Variants in CSMD1 observed in about 807,000 individuals in gnomAD.
The protein encoded by CSMD1 is CUB and Sushi multiple domains 1.
In CSMD1, 213 loss-of-function variants were observed where a neutral mutation model predicts 417.5. The observed-to-expected ratio is 0.51, with a 90% confidence interval of 0.46 to 0.57. The LOEUF (loss-of-function observed/expected upper bound fraction) is 0.57, where lower values mean the gene tolerates loss of function less well. Ranked by LOEUF, CSMD1 falls within the 20% of genes least tolerant of loss-of-function variation. The pLI, the probability that CSMD1 is intolerant of heterozygous loss-of-function variation, is 0.00. For missense variants in CSMD1, 6,923 were observed against 4,529.7 expected, an observed-to-expected ratio of 1.53 and a Z score of -15.17; for synonymous variants, 2,862 against 1,736.8, an observed-to-expected ratio of 1.65 and a Z score of -16.11.
intron 2 of CSMD1, among the ~76,000 whole-genome samples, chr8:4,481,934 C>A (rs1801120927): frequency 6.6e-6 from 1 of 152,088 alleles, no homozygotes. Flanking sequence ...CAACAGAATG[C>A]AGAAGCCTGG....
chr8:4,014,567 G>C (rs1354005157), intron 4 of CSMD1, among the ~76,000 whole-genome samples: 2 of 152,084 alleles, frequency 1.3e-5, no homozygotes, highest in South Asian at 4.1e-4. Context: ...TAAGCACCTG[G>C]ATCATCTCAT....
At chr8:4,492,589 G>A (rs927542649) in intron 2 of CSMD1, among the ~76,000 whole-genome samples, 1 of 152,084 alleles carries the variant, frequency 6.6e-6, no homozygotes, top group African/African-American at 2.4e-5. Flanking sequence ...TTCAGTAAAG[G>A]GATTAAATAT....
chr8:4,007,099 A>G (rs1026870218), intron 4 of CSMD1, among the ~76,000 whole-genome samples: 1 of 151,852 alleles, frequency 6.6e-6, no homozygotes, highest in Non-Finnish European at 1.5e-5. Context: ...CGGCCTCCCA[A>G]AGTTTTGGTA....
chr8:3,016,904 A>C (rs1234151301), intron 52 of CSMD1, among the ~76,000 whole-genome samples: 1 of 152,156 alleles, frequency 6.6e-6, no homozygotes, highest in Non-Finnish European at 1.5e-5. Context: ...TTCTACTCCA[A>C]AACCCTAACT....
intron 25 of CSMD1, among the ~76,000 whole-genome samples, chr8:3,301,315 C>A (rs115118860): frequency 6.6e-6 from 1 of 151,864 alleles, no homozygotes; most frequent in African/African-American, 2.4e-5. Context: ...AGGTGGTGGG[C>A]AGGGAGGAGA....
chr8:4,887,767 CA>C (rs1432291357), intron 1 of CSMD1, among the ~76,000 whole-genome samples: 1 of 151,580 alleles, frequency 6.6e-6, no homozygotes, highest in Non-Finnish European at 1.5e-5. Context: ...ACAATTTTAT[CA>C]TTTTTTTTAA....
intron 1 of CSMD1, among the ~76,000 whole-genome samples, chr8:4,712,479 A>C (rs1268374804): frequency 3.3e-5 from 5 of 152,224 alleles, no homozygotes. Context: ...ATGTCAAAGC[A>C]GAAATGGCTA....
chr8:3,227,271 G>A (rs553883877), intron 27 of CSMD1, among the ~76,000 whole-genome samples: 5 of 151,844 alleles, frequency 3.3e-5, no homozygotes, highest in Admixed American at 1.3e-4. Context: ...CTTGGTGGTG[G>A]GCGCCTGTAA....
Position 3,260,553 on chromosome 8 carries a change from A to G in CSMD1, c.4153+23591T>C, listed in dbSNP as rs550203521. 1.8e-4 allele frequency among the ~76,000 whole-genome samples: 28 copies of G among 151,540 alleles called. 1 individual carries two copies. The South Asian group carries it at 5.5e-3, about 30-fold the overall frequency. On this transcript the variant is annotated intron_variant, in intron 26 of 69. Coordinates refer to ENST00000635120, the MANE Select transcript of CSMD1 (RefSeq NM_033225.6). Reference sequence around the variant, plus strand: ...TTTCTGAAAATGTCAGAGTGCTTCAATAACTACAGAGAGGGTCCACCGAGA... The same window carrying G: ...TTTCTGAAAATGTCAGAGTGCTTCAGTAACTACAGAGAGGGTCCACCGAGA...
At chr8:4,556,869 A>G (rs1018091925) in intron 2 of CSMD1, among the ~76,000 whole-genome samples, 3 of 152,204 alleles carry the variant, frequency 2.0e-5, no homozygotes, top group African/African-American at 7.2e-5. Flanking sequence ...CGTATAATGC[A>G]ATGATTCCAA....
intron 5 of CSMD1, among the ~76,000 whole-genome samples, chr8:3,763,472 C>G (rs1442492505): frequency 3.3e-5 from 5 of 152,224 alleles, no homozygotes; most frequent in East Asian, 3.9e-4. Flanking sequence ...CTCTCCTTTG[C>G]TCCCCTTCTC....
chr8:4,023,473 T>C lies in CSMD1; in HGVS notation c.610+8432A>G, dbSNP rs535758142. Among the ~76,000 whole-genome samples, 11 of 152,262 alleles carry C rather than the reference T, an allele frequency of 7.2e-5. No individual in the cohort carries two copies. In the South Asian group the frequency reaches 1.0e-3, roughly 14 times the overall value. ...ACTCTGGGTTGAGTAGCATTAGGGA[T>C]TGCAATGTTGGAATCACAGAAGAGG... On this transcript the variant is annotated intron_variant, in intron 4 of 69. Transcript: ENST00000635120.
At chr8:4,764,303 A>T (rs1294920385) in intron 1 of CSMD1, among the ~76,000 whole-genome samples, 3 of 152,192 alleles carry the variant, frequency 2.0e-5, no homozygotes, top group Non-Finnish European at 4.4e-5. Context: ...TCTTTTTGAA[A>T]ACATATAGTA....
chr8:4,752,909 G>A (rs989044642), intron 1 of CSMD1, among the ~76,000 whole-genome samples: 1 of 152,120 alleles, frequency 6.6e-6, no homozygotes, highest in South Asian at 2.1e-4. Context: ...ACTTTCCAGC[G>A]CTATTACAGG....
At chr8:3,538,297 C>A (rs1165260978) in intron 10 of CSMD1, among the ~76,000 whole-genome samples, 1 of 152,214 alleles carries the variant, frequency 6.6e-6, no homozygotes, top group Non-Finnish European at 1.5e-5. Flanking sequence ...ATATGCTTCA[C>A]CTGAGATGGT....
At chr8:4,151,214 A>G (rs1256140674) in intron 3 of CSMD1, among the ~76,000 whole-genome samples, 1 of 152,174 alleles carries the variant, frequency 6.6e-6, no homozygotes, top group Non-Finnish European at 1.5e-5. Context: ...TCTTCTTGTA[A>G]TATCAAGTAT....
intron 42 of CSMD1, among the ~76,000 whole-genome samples, chr8:3,117,444 G>C (rs1052649753): frequency 1.1e-4 from 16 of 152,166 alleles, no homozygotes; most frequent in African/African-American, 3.9e-4. Flanking sequence ...AGAAATTAAA[G>C]CACAGCCAGA....
intron 1 of CSMD1, among the ~76,000 whole-genome samples, chr8:4,798,499 G>T (rs1044410964): frequency 6.6e-6 from 1 of 152,128 alleles, no homozygotes; most frequent in African/African-American, 2.4e-5. Context: ...ATTGAAAATT[G>T]CTTACTCTGA....
intron 46 of CSMD1, among the ~76,000 whole-genome samples, chr8:3,099,670 C>A (rs1204593464): frequency 6.6e-6 from 1 of 152,196 alleles, no homozygotes; most frequent in African/African-American, 2.4e-5. Context: ...TAAAATCCAC[C>A]TGAAAACCTA....
Sources: gnomAD v4.1 joint callset for allele counts (sites outside exome capture counted in the v4.1 genomes callset) on GRCh38, gnomAD v4.1.1 for gene constraint, MANE v1.5 for transcripts, NCBI Gene and HGNC (gene_info 2026-07-23, HGNC 2026-07-21) for gene names.